The following KCND2 variants were observed in gnomAD, a reference collection of about 807,000 sequenced individuals.
The protein encoded by KCND2 is potassium voltage-gated channel subfamily D member 2.
In KCND2, 16 loss-of-function variants were observed where a neutral mutation model predicts 54.4. The ratio of observed to expected loss-of-function variants is 0.29; its 90% CI spans 0.20 to 0.45. The LOEUF (loss-of-function observed/expected upper bound fraction) is 0.45, where lower values mean the gene tolerates loss of function less well. Ranked by LOEUF, KCND2 falls within the 20% of genes least tolerant of loss-of-function variation. The pLI is 1.00. For synonymous variants in KCND2, 317 were observed against 310.7 expected, an observed-to-expected ratio of 1.02 and a Z score of -0.21; for missense variants, 486 against 824.2, an observed-to-expected ratio of 0.59 and a Z score of 5.02.
intron 1 of KCND2, among the ~76,000 whole-genome samples, chr7:120,595,829 C>T (rs573641468): frequency 6.6e-6 from 1 of 151,286 alleles, no homozygotes; most frequent in South Asian, 2.1e-4. Flanking sequence ...CTATAAATAG[C>T]AGCCAGCACA....
At chr7:120,298,698 G>A (rs920012852) in intron 1 of KCND2, among the ~76,000 whole-genome samples, 10 of 152,144 alleles carry the variant, frequency 6.6e-5, no homozygotes, top group Admixed American at 2.6e-4. Context: ...AAATGTTGCC[G>A]TCAAAGCCTA....
chr7:120,591,267 A>C (rs1369412785), intron 1 of KCND2, among the ~76,000 whole-genome samples: 1 of 152,194 alleles, frequency 6.6e-6, no homozygotes, highest in Non-Finnish European at 1.5e-5. Context: ...ATATTGGTAC[A>C]TTCATAGTTT....
At chr7:120,549,511 T>C (rs1792081142) in intron 1 of KCND2, among the ~76,000 whole-genome samples, 1 of 152,158 alleles carries the variant, frequency 6.6e-6, no homozygotes, top group Admixed American at 6.5e-5. Flanking sequence ...ACTGCTGTAG[T>C]TTCATCTGTT....
intron 1 of KCND2, among the ~76,000 whole-genome samples, chr7:120,422,885 G>A (rs990104621): frequency 1.3e-5 from 2 of 152,140 alleles, no homozygotes; most frequent in Admixed American, 6.5e-5. Flanking sequence ...TCTTACTGTC[G>A]TTTTTCGTCT....
chr7:120,285,683 A>G (rs1181868564), intron 1 of KCND2, among the ~76,000 whole-genome samples: 1 of 151,942 alleles, frequency 6.6e-6, no homozygotes, highest in Non-Finnish European at 1.5e-5. Context: ...AAACATAATT[A>G]ACTTAGAAGT....
At chr7:120,360,918 G>T (rs921945481) in intron 1 of KCND2, among the ~76,000 whole-genome samples, 2 of 151,978 alleles carry the variant, frequency 1.3e-5, no homozygotes, top group Admixed American at 1.3e-4. Context: ...CTATTTATGA[G>T]CATAATCTGT....
At chr7:120,317,345 A>G (rs987746394) in intron 1 of KCND2, among the ~76,000 whole-genome samples, 2 of 152,156 alleles carry the variant, frequency 1.3e-5, no homozygotes, top group Admixed American at 1.3e-4. Flanking sequence ...TTTTGTATTA[A>G]TATTTCATTA....
intron 1 of KCND2, among the ~76,000 whole-genome samples, 182 bp from the exon 2 acceptor site, chr7:120,732,721 T>C (rs1792822924): frequency 6.6e-6 from 1 of 152,154 alleles, no homozygotes; most frequent in Non-Finnish European, 1.5e-5. Flanking sequence ...GAAAGGTAAT[T>C]TTTATATTCA....
intron 1 of KCND2, among the ~76,000 whole-genome samples, chr7:120,382,534 T>C (rs1800929434): frequency 6.6e-6 from 1 of 151,858 alleles, no homozygotes; most frequent in Admixed American, 6.6e-5. Flanking sequence ...AAAATTTTAC[T>C]TTAGAGCAGA....
chr7:120,578,563 G>A (rs915168903), intron 1 of KCND2, among the ~76,000 whole-genome samples: 1 of 151,888 alleles, frequency 6.6e-6, no homozygotes, highest in Admixed American at 6.6e-5. Context: ...GAAATCCTTT[G>A]TCTACTAAAA....
chr7:120,437,276 C>T (rs1195688560), intron 1 of KCND2, among the ~76,000 whole-genome samples: 1 of 146,010 alleles, frequency 6.8e-6, no homozygotes, highest in African/African-American at 2.6e-5. Context: ...GATCTCGGCT[C>T]ACTGCAACCT....
intron 1 of KCND2, among the ~76,000 whole-genome samples, chr7:120,281,553 C>A (rs1349288851): frequency 1.3e-5 from 2 of 152,098 alleles, no homozygotes; most frequent in African/African-American, 4.8e-5. Context: ...TCCATGAAGG[C>A]TTTTCAGCCC....
In KCND2 at chr7:120,597,717, A is replaced by G. The variant is rs538711670; in HGVS notation, c.1116-135186A>G. On this transcript the variant is annotated intron_variant, in intron 1 of 5. Transcript: ENST00000331113. ...AAGTGAAACAACCTAAGTGATTCCC[A>G]TCCTAAAGATCTTGGGAGAGTATCC... Among the ~76,000 whole-genome samples, 9 of 152,322 alleles carry G rather than the reference A, an allele frequency of 5.9e-5. No individual in the cohort carries two copies. In the South Asian group the frequency reaches 1.7e-3, roughly 28 times the overall value.
chr7:120,629,525 A>G (rs192989598), intron 1 of KCND2, among the ~76,000 whole-genome samples: 41 of 152,316 alleles, frequency 2.7e-4, no homozygotes, highest in African/African-American at 8.9e-4. Flanking sequence ...TGCAAAACAA[A>G]TGACACAGAC....
intron 1 of KCND2, among the ~76,000 whole-genome samples, chr7:120,679,347 C>G (rs1471234657): frequency 1.3e-5 from 2 of 151,840 alleles, no homozygotes; most frequent in African/African-American, 2.4e-5. Context: ...GGCTTAATAA[C>G]TACTTTTTAA....
intron 1 of KCND2, among the ~76,000 whole-genome samples, chr7:120,350,137 C>G (rs1584741820): frequency 6.6e-6 from 1 of 151,940 alleles, no homozygotes; most frequent in East Asian, 1.9e-4. Flanking sequence ...TGAAATCATT[C>G]AAGTTTTTAT....
intron 1 of KCND2, among the ~76,000 whole-genome samples, chr7:120,499,754 G>A (rs1802905778): frequency 6.6e-6 from 1 of 151,714 alleles, no homozygotes. Context: ...TAGAAGCCAC[G>A]CCTGCCTCTT....
At chr7:120,737,618 C>T (rs1053127704) in intron 2 of KCND2, among the ~76,000 whole-genome samples, 4 of 152,060 alleles carry the variant, frequency 2.6e-5, no homozygotes, top group Admixed American at 6.6e-5. Flanking sequence ...TAACTTGTCT[C>T]ATTTCTAGCA....
intron 1 of KCND2, among the ~76,000 whole-genome samples, chr7:120,708,110 C>T (rs1438293390): frequency 2.0e-5 from 3 of 152,046 alleles, no homozygotes; most frequent in African/African-American, 4.8e-5. Context: ...AGTGACAACT[C>T]AAAGAGCAGA....
Sources: gnomAD v4.1 joint callset for allele counts (sites outside exome capture counted in the v4.1 genomes callset) on GRCh38, gnomAD v4.1.1 for gene constraint, MANE v1.5 for transcripts, NCBI Gene and HGNC (gene_info 2026-07-23, HGNC 2026-07-21) for gene names.